The following ZNF131 variants were observed in gnomAD, a reference collection of about 807,000 sequenced individuals.
ZNF131 encodes the protein zinc finger protein 131.
Under a neutral mutation model 60.0 loss-of-function variants are expected in ZNF131, and 7 were observed. The ratio of observed to expected loss-of-function variants is 0.12; its 90% confidence interval spans 0.07 to 0.22. The LOEUF is 0.22. Ranked by LOEUF, ZNF131 falls within the 10% of genes least tolerant of loss-of-function variation. The pLI, the probability that ZNF131 is intolerant of heterozygous loss-of-function variation, is 1.00. For missense variants in ZNF131, 493 were observed against 740.9 expected, an observed-to-expected ratio of 0.67 and a Z score of 3.88; for synonymous variants, 257 against 253.2, an observed-to-expected ratio of 1.01 and a Z score of -0.14.
rs759105545 is a variant in ZNF131, at chr5:43,174,702, C to T, written c.1441C>T (p.Leu481=). The change falls in exon 7 of 7, where the codon CTA becomes TTA. Residue 481 remains leucine (L), a synonymous_variant. Transcript: ENST00000682664. ...AGAACAAGTTGGGAAGGTGCATGTG[C>T]TACCATTGCTTCAGGTTCAGGTGGA... ...IIEQVGKVHV[L]PLLQVQVDSA... 6.2e-7 allele frequency: 1 copy of T among 1,614,162 alleles called. No homozygotes were observed. The highest frequency in any genetic ancestry group is 8.5e-7 in the Non-Finnish European group (1 of 1,180,032).
chr5:43,171,327 C>A (rs747653451), intron 5 of ZNF131, among the ~76,000 whole-genome samples: 32 of 152,158 alleles, frequency 2.1e-4, no homozygotes, highest in Non-Finnish European at 4.7e-4. Context: ...CTTGATGTCC[C>A]TCTAAAACCA....
intron 3 of ZNF131, chr5:43,124,018 G>A (rs1744196967): frequency 6.6e-6 from 1 of 152,312 alleles, no homozygotes; most frequent in East Asian, 1.9e-4. Context: ...CAGCTACTCG[G>A]GAGGCTGAGG....
At chr5:43,121,848 G>T in intron 1 of ZNF131, 191 bp from the exon 2 acceptor site, 1 of 480,994 alleles carries the variant, frequency 2.1e-6, no homozygotes, top group Non-Finnish European at 3.5e-6. Flanking sequence ...GGAGTCCCGC[G>T]GCCGCGGCTC....
chr5:43,172,515 G>A (rs1239370120), intron 5 of ZNF131, among the ~76,000 whole-genome samples: 1 of 152,034 alleles, frequency 6.6e-6, no homozygotes, highest in Non-Finnish European at 1.5e-5. Flanking sequence ...CCAGCTACTC[G>A]GGAGGCTGAG....
chr5:43,164,602 C>T (rs1156511007), intron 5 of ZNF131, among the ~76,000 whole-genome samples: 1 of 152,168 alleles, frequency 6.6e-6, no homozygotes, highest in Non-Finnish European at 1.5e-5. Flanking sequence ...CCGCAGTTAC[C>T]TCTTTTACCC....
chr5:43,146,240 G>A lies in ZNF131; in HGVS notation c.371+6931G>A, dbSNP rs145286399. On this transcript the variant is annotated intron_variant, in intron 4 of 6. Transcript: ENST00000682664. ...TAGTGTAAACTTTCTGAACGACACC[G>A]AAAAGAAATTAGGACCTCATTTTGC... is the stretch of plus-strand genomic sequence containing the variant. Among the ~76,000 whole-genome samples the A allele has an allele frequency of 3.0e-3, 455 of 152,288 alleles. 3 individuals are homozygous for A. The highest frequency in any genetic ancestry group is 8.0e-3 in the African/African-American group (333 of 41,574).
intron 4 of ZNF131, among the ~76,000 whole-genome samples, chr5:43,150,088 G>A (rs191073571): frequency 2.0e-5 from 3 of 152,178 alleles, no homozygotes; most frequent in African/African-American, 7.2e-5. Context: ...TCCCACAGGG[G>A]TGACACAGTG....
chr5:43,127,600 G>A (rs1312867479), intron 3 of ZNF131, among the ~76,000 whole-genome samples: 1 of 152,238 alleles, frequency 6.6e-6, no homozygotes, highest in East Asian at 1.9e-4. Flanking sequence ...AATTTAGATT[G>A]TAATATTCTC....
At chr5:43,130,135 G>A (rs537658566) in intron 3 of ZNF131, among the ~76,000 whole-genome samples, 2 of 151,368 alleles carry the variant, frequency 1.3e-5, no homozygotes, top group African/African-American at 4.8e-5. Flanking sequence ...ATGGCAGCGC[G>A]TGCCTGTAGT....
intron 3 of ZNF131, among the ~76,000 whole-genome samples, chr5:43,133,913 C>T (rs781735369): frequency 3.3e-5 from 5 of 152,092 alleles, no homozygotes; most frequent in Admixed American, 6.5e-5. Context: ...CAAAGAAAAG[C>T]GTAGGACCAG....
chr5:43,136,343 C>T (rs1746080309), intron 3 of ZNF131, among the ~76,000 whole-genome samples: 1 of 152,058 alleles, frequency 6.6e-6, no homozygotes, highest in Admixed American at 6.6e-5. Flanking sequence ...AATACAGTCC[C>T]TCTCAAAATC....
At chr5:43,143,060 G>A (rs1747069260) in intron 4 of ZNF131, among the ~76,000 whole-genome samples, 1 of 139,402 alleles carries the variant, frequency 7.2e-6, no homozygotes, top group African/African-American at 2.7e-5. Context: ...GAGTCTCACT[G>A]TTACCAGGAT....
chr5:43,144,808 A>G (rs1747368674), intron 4 of ZNF131, among the ~76,000 whole-genome samples: 1 of 151,946 alleles, frequency 6.6e-6, no homozygotes, highest in Non-Finnish European at 1.5e-5. Context: ...TCTGCCACAT[A>G]ATAACATGAT....
At chr5:43,122,199 G>GGAGC (rs1561378413) in intron 2 of ZNF131, 22 bp downstream of exon 2, 1 of 1,586,164 alleles carries the variant, frequency 6.3e-7, no homozygotes, top group East Asian at 2.2e-5. Flanking sequence ...AGTGGGCAGA[G>GGAGC]GAGCGAATTT....
At chr5:43,136,406 A>G (rs949509206) in intron 3 of ZNF131, among the ~76,000 whole-genome samples, 4 of 151,340 alleles carry the variant, frequency 2.6e-5, no homozygotes, top group Non-Finnish European at 4.4e-5. Context: ...TCTAAAATTC[A>G]TATGGAACCA....
chr5:43,125,682 G>A (rs1262359781), intron 3 of ZNF131, among the ~76,000 whole-genome samples: 1 of 151,894 alleles, frequency 6.6e-6, no homozygotes, highest in Non-Finnish European at 1.5e-5. Flanking sequence ...CAGGAAGGCC[G>A]AGGCAGGAGA....
intron 4 of ZNF131, among the ~76,000 whole-genome samples, chr5:43,157,977 AT>A (rs1206469997): frequency 6.6e-6 from 1 of 151,946 alleles, no homozygotes; most frequent in Non-Finnish European, 1.5e-5. Context: ...TAACCTCATT[AT>A]TTTTTTTGAG....
At chr5:43,139,057 A>G (rs766819692) in intron 3 of ZNF131, 108 bp from the exon 4 acceptor site, 33 of 1,015,494 alleles carry the variant, frequency 3.2e-5, no homozygotes, top group Non-Finnish European at 4.1e-5. Context: ...ATAGTTTTCA[A>G]AAATAAATAC....
chr5:43,169,959 T>TA (rs1750783890), intron 5 of ZNF131, among the ~76,000 whole-genome samples: 1 of 151,952 alleles, frequency 6.6e-6, no homozygotes, highest in African/African-American at 2.4e-5. Context: ...CCTGGCTAAT[T>TA]TTTTGTATTT....
Sources: gnomAD v4.1 joint callset for allele counts (sites outside exome capture counted in the v4.1 genomes callset) on GRCh38, gnomAD v4.1.1 for gene constraint, MANE v1.5 for transcripts, NCBI Gene and HGNC (gene_info 2026-07-23, HGNC 2026-07-21) for gene names.